FREM1: variants seen among roughly 807,000 people sequenced by gnomAD.
FREM1 encodes the protein FRAS1 related extracellular matrix 1, also known as FRAS1-related extracellular matrix protein 1.
A neutral mutation model predicts 210.1 loss-of-function variants in FREM1; 220 were observed. That is an observed-to-expected ratio of 1.05 (90% CI 0.94 to 1.17). FREM1 has a LOEUF of 1.17. FREM1 is among the 50% of genes most tolerant of loss of function. FREM1 has a pLI of 0.00. For missense variants in FREM1, 3,454 were observed against 2,675.5 expected (o/e 1.29, Z -6.42); for synonymous variants, 1,189 against 980.2 (o/e 1.21, Z -3.98).
intron 1 of FREM1, among the ~76,000 whole-genome samples, chr9:14,902,938 A>T (rs566630984): frequency 1.3e-5 from 2 of 152,350 alleles, no homozygotes; most frequent in South Asian, 4.1e-4. Flanking sequence ...TTACATGGTA[A>T]ACAGGATTAT....
At chr9:14,797,678 A>G (rs1852695735) in intron 20 of FREM1, 36 bp from the exon 21 acceptor site, 1 of 1,564,620 alleles carries the variant, frequency 6.4e-7, no homozygotes, top group East Asian at 2.2e-5. Context: ...AATCTTCCTT[A>G]TGATTGAACC....
chr9:14,814,509 A>T (rs1819952946), intron 15 of FREM1, among the ~76,000 whole-genome samples: 1 of 152,228 alleles, frequency 6.6e-6, no homozygotes, highest in Non-Finnish European at 1.5e-5. Context: ...AATTTAATGG[A>T]TAGAGGAATG....
intron 17 of FREM1, 130 bp downstream of exon 17, chr9:14,807,810 G>A: frequency 1.5e-6 from 1 of 677,978 alleles, no homozygotes; most frequent in Non-Finnish European, 2.4e-6. Flanking sequence ...TTGTGTTGAG[G>A]TAATTATTGA....
chr9:14,784,147 A>G (rs1850045472), intron 24 of FREM1: 2 of 442,524 alleles, frequency 4.5e-6, no homozygotes, highest in Non-Finnish European at 8.0e-6. Context: ...CAGTAAAAGA[A>G]AAACACAGCT....
At chr9:14,813,460 C>G (rs560256751) in intron 15 of FREM1, among the ~76,000 whole-genome samples, 4 of 152,176 alleles carry the variant, frequency 2.6e-5, no homozygotes, top group Non-Finnish European at 5.9e-5. Flanking sequence ...TTTACTGCAT[C>G]AAAGTTATTT....
intron 8 of FREM1, among the ~76,000 whole-genome samples, chr9:14,845,045 T>G (rs1035979631): frequency 6.6e-6 from 1 of 152,222 alleles, no homozygotes; most frequent in East Asian, 1.9e-4. Context: ...CAGAATTCCC[T>G]GCTCACAAAT....
At chr9:14,838,094 A>T (rs551389079) in intron 10 of FREM1, among the ~76,000 whole-genome samples, 1 of 152,342 alleles carries the variant, frequency 6.6e-6, no homozygotes, top group South Asian at 2.1e-4. Flanking sequence ...TTTATGTCAT[A>T]GAAAAAGCTT....
rs76000172 is a variant in FREM1, at chr9:14,792,046, C to T, written c.3981+697G>A. Among the ~76,000 whole-genome samples the T allele has an allele frequency of 2.3e-3, 343 of 152,066 alleles. 2 individuals are homozygous for T. Among genetic ancestry groups the T allele is most frequent in the East Asian group, 8.5e-3 (44 of 5,162 alleles). On this transcript the variant is annotated intron_variant, in intron 22 of 36. Coordinates refer to ENST00000380880, the MANE Select transcript of FREM1 (RefSeq NM_001379081.2). ...TTTTAGTAGAGATGGGGTTTCACCA[C>T]GTTGGCCAGGATGGTCTTGATCTCC...
At chr9:14,799,120 CT>C (rs879280631) in intron 20 of FREM1, among the ~76,000 whole-genome samples, 7 of 151,940 alleles carry the variant, frequency 4.6e-5, no homozygotes, top group South Asian at 2.1e-4. Flanking sequence ...CTCTACAAAA[CT>C]TTTTTTTCAT....
chr9:14,787,941 T>C lies in FREM1; in HGVS notation c.4177+978A>G, dbSNP rs141387938. Among the ~76,000 whole-genome samples, 235 of 152,302 alleles carry C rather than the reference T, an allele frequency of 1.5e-3. 5 individuals are homozygous for C. Among genetic ancestry groups the C allele is most frequent in the Non-Finnish European group, 4.6e-4 (31 of 68,018 alleles). On this transcript the variant is annotated intron_variant, in intron 23 of 36. Coordinates refer to ENST00000380880, the MANE Select transcript of FREM1 (RefSeq NM_001379081.2). ...AACCAGGAAATAAGCAAATAAAATA[T>C]ATTATTACACAGCTCAATGTAAACA...
intron 35 of FREM1, among the ~76,000 whole-genome samples, chr9:14,742,804 C>A (rs1841803524): frequency 6.6e-6 from 1 of 152,030 alleles, no homozygotes; most frequent in Non-Finnish European, 1.5e-5. Flanking sequence ...TTTTGAAAAT[C>A]TACTTTGGGT....
At chr9:14,744,293 T>A (rs1842049051) in intron 35 of FREM1, among the ~76,000 whole-genome samples, 1 of 152,084 alleles carries the variant, frequency 6.6e-6, no homozygotes, top group African/African-American at 2.4e-5. Flanking sequence ...TTTTTAAATA[T>A]TCAATTTGAT....
At chr9:14,907,564 CT>C (rs896143118) in intron 1 of FREM1, among the ~76,000 whole-genome samples, 2 of 152,314 alleles carry the variant, frequency 1.3e-5, no homozygotes, top group African/African-American at 4.8e-5. Flanking sequence ...GGCTGCCCTC[CT>C]ATGTAACCTG....
At chr9:14,821,591 T>C (rs1821322018) in intron 13 of FREM1, among the ~76,000 whole-genome samples, 1 of 152,222 alleles carries the variant, frequency 6.6e-6, no homozygotes, top group East Asian at 1.9e-4. Flanking sequence ...ACCGGGAATA[T>C]GATCTGGTCC....
chr9:14,884,792 T>C (rs576730423), intron 1 of FREM1, among the ~76,000 whole-genome samples: 29 of 152,214 alleles, frequency 1.9e-4, no homozygotes, highest in African/African-American at 6.0e-4. Context: ...CGTGCCTTGA[T>C]GAAAATAATA....
At chr9:14,861,508 T>C (rs1266890919) in intron 3 of FREM1, among the ~76,000 whole-genome samples, 1 of 143,866 alleles carries the variant, frequency 7.0e-6, no homozygotes, top group Non-Finnish European at 1.5e-5. Context: ...TTATCCTTTT[T>C]TTTTTTTTTT....
rs779202191 is a variant in FREM1 at position 14,816,762 on chromosome 9, G to A, written c.2640+16C>T. On this transcript the variant is annotated intron_variant, in intron 15 of 36. Coordinates refer to ENST00000380880, the MANE Select transcript of FREM1 (RefSeq NM_001379081.2). ...CAGACTAAGACAATAACCCAGGGAA[G>A]AAACTTTCTACCCACCTCAACATGT... 2 of 1,345,086 alleles carry A rather than the reference G, an allele frequency of 1.5e-6. No individual in the cohort carries two copies. The highest frequency in any genetic ancestry group is 1.4e-5 in the African/African-American group (1 of 69,728). 83.3% of individuals were successfully genotyped at this position (1,345,086 alleles called of 1,614,324 possible).
In FREM1 at chr9:14,904,599, T is replaced by C. The variant is rs367701804; in HGVS notation, c.-268+5315A>G. On this transcript the variant is annotated intron_variant, in intron 1 of 36. Coordinates refer to ENST00000380880, the MANE Select transcript of FREM1 (RefSeq NM_001379081.2). ...GGGGAGTGACTTGATGGTTCCAGGG[T>C]GCAGAACCAGGGAGAATGTGTGAAA... 3.9e-5 allele frequency among the ~76,000 whole-genome samples: 6 copies of C among 152,330 alleles called. No homozygotes were observed. In the East Asian group the frequency reaches 5.8e-4, roughly 15 times the overall value.
intron 10 of FREM1, among the ~76,000 whole-genome samples, chr9:14,837,709 G>A (rs963227270): frequency 2.6e-5 from 4 of 152,246 alleles, no homozygotes; most frequent in East Asian, 1.9e-4. Flanking sequence ...GTAGATTAGC[G>A]AAACACTGTA....
Sources: gnomAD v4.1 joint callset for allele counts (sites outside exome capture counted in the v4.1 genomes callset) on GRCh38, gnomAD v4.1.1 for gene constraint, MANE v1.5 for transcripts, NCBI Gene and HGNC (gene_info 2026-07-23, HGNC 2026-07-21) for gene names.